PI4KA: variants seen among roughly 807,000 people sequenced by gnomAD.
PI4KA encodes PI4-kinase alpha.
A neutral mutation model predicts 271.4 loss-of-function variants in PI4KA; 122 were observed. The observed-to-expected ratio is 0.45, with a 90% confidence interval of 0.39 to 0.52. The LOEUF is 0.52. PI4KA is among the 20% of genes least tolerant of loss of function. The pLI is 0.00. For missense variants in PI4KA, 1,969 were observed against 2,769.1 expected (o/e 0.71, Z 6.48); for synonymous variants, 1,041 against 1,078.8 (o/e 0.96, Z 0.69).
At chr22:20,854,651 A>T (rs780769548) in intron 1 of PI4KA, among the ~76,000 whole-genome samples, 1 of 152,148 alleles carries the variant, frequency 6.6e-6, no homozygotes, top group Non-Finnish European at 1.5e-5. Flanking sequence ...CTGCAAACTT[A>T]GCCTTCGCCA....
chr22:20,714,782 A>C (rs552413162), intron 45 of PI4KA, 82 bp from the exon 46 acceptor site: 51 of 1,495,490 alleles, frequency 3.4e-5, no homozygotes, highest in Non-Finnish European at 4.4e-5. Context: ...CGGATGTTAC[A>C]TGCGTGTCCA....
chr22:20,804,767 A>G (rs906655574), intron 11 of PI4KA, among the ~76,000 whole-genome samples: 2 of 152,246 alleles, frequency 1.3e-5, no homozygotes, highest in African/African-American at 4.8e-5. Flanking sequence ...TCCCAGGTCC[A>G]GTGCCCTCCA....
Position 20,785,635 on chromosome 22 carries a change from C to T in PI4KA, c.2328+7558G>A, listed in dbSNP as rs371102349. ...TTTTAAAAGTACACTACCAGATATT[C>T]GACTCCTTAATTACAAAAAAAAAAC... On this transcript the variant is annotated intron_variant, in intron 19 of 54. Transcript: ENST00000255882. 9.6e-4 allele frequency among the ~76,000 whole-genome samples: 146 copies of T among 152,086 alleles called. 3 individuals carry two copies. In the South Asian group the frequency reaches 0.024, roughly 25 times the overall value.
intron 19 of PI4KA, among the ~76,000 whole-genome samples, chr22:20,767,184 T>C (rs1015778154): frequency 1.3e-5 from 2 of 152,188 alleles, no homozygotes; most frequent in African/African-American, 2.4e-5. Context: ...GGCTCTTGCC[T>C]GTAATCCCAG....
chr22:20,843,181 T>C (rs1480180820), intron 1 of PI4KA, among the ~76,000 whole-genome samples: 1 of 152,042 alleles, frequency 6.6e-6, no homozygotes, highest in African/African-American at 2.4e-5. Context: ...ATAAAAAATA[T>C]TGATAACTTT....
chr22:20,799,404 G>T, intron 15 of PI4KA, 128 bp from the exon 16 acceptor site: 1 of 928,156 alleles, frequency 1.1e-6, no homozygotes, highest in Non-Finnish European at 1.6e-6. Flanking sequence ...ATCTGAAACT[G>T]ACAGCCCAGG....
In PI4KA at chr22:20,799,144, G is replaced by A. The variant is rs368298446; in HGVS notation, c.1953C>T (p.Pro651=). Residue 651 remains proline (P), a synonymous_variant, in exon 16 of 55, where the codon CCC becomes CCT. Coordinates refer to ENST00000255882, the MANE Select transcript of PI4KA (RefSeq NM_058004.4). ...LQQKFCQPPS[P]LDVLIIDQLG... The stretch of plus-strand genomic sequence containing the variant: ...GCTGGTCAATAATCAGCACATCGAG[G>A]GGGGAGGGTGGCTGGCAGAATTTCT... The A allele has an allele frequency of 1.2e-4, 201 of 1,613,080 alleles. 3 individuals are homozygous for A. The South Asian group carries it at 1.9e-3, about 15-fold the overall frequency.
At chr22:20,735,793 G>C (rs545377527) in intron 32 of PI4KA, among the ~76,000 whole-genome samples, 4 of 152,348 alleles carry the variant, frequency 2.6e-5, no homozygotes, top group Non-Finnish European at 5.9e-5. Context: ...GGACTCCTGG[G>C]GGACGAGGCA....
chr22:20,836,060 A>AAAACAAAACAAAACG (rs1196819713), intron 2 of PI4KA, among the ~76,000 whole-genome samples: 5 of 150,172 alleles, frequency 3.3e-5, no homozygotes, highest in Non-Finnish European at 7.5e-5. Context: ...TCAAAAAAAC[A>AAAACAAAACAAAACG]AAACAAAACA....
intron 23 of PI4KA, among the ~76,000 whole-genome samples, chr22:20,753,539 T>C (rs1930947736): frequency 6.6e-6 from 1 of 152,236 alleles, no homozygotes. Flanking sequence ...CCTCAGTCTG[T>C]CAATGTCTTT....
intron 28 of PI4KA, 41 bp from the exon 29 acceptor site, chr22:20,747,743 G>C: frequency 6.3e-7 from 1 of 1,595,986 alleles, no homozygotes; most frequent in South Asian, 1.1e-5. Flanking sequence ...TTATTTATCT[G>C]ATTTTTTTAG....
rs531227812 is a variant in PI4KA, at chr22:20,775,329, T to G, written c.2329-9636A>C. Among the ~76,000 whole-genome samples, 6 of 152,360 alleles carry G rather than the reference T, an allele frequency of 3.9e-5. No individual in the cohort carries two copies. In the South Asian group the frequency reaches 1.2e-3, roughly 32 times the overall value. On this transcript the variant is annotated intron_variant, in intron 19 of 54. Coordinates refer to ENST00000255882, the MANE Select transcript of PI4KA (RefSeq NM_058004.4). Reference sequence around the variant, plus strand: ...CTTCTACAATGTTTGTTATACTAAATAGCAAAACATCAGGAAGATTTACCT... The same window carrying G: ...CTTCTACAATGTTTGTTATACTAAAGAGCAAAACATCAGGAAGATTTACCT...
Position 20,799,656 on chromosome 22 carries a change from G to A in PI4KA, c.1820+15C>T. On this transcript the variant is annotated intron_variant, in intron 15 of 54. Transcript: ENST00000255882. Reference sequence around the variant, plus strand: ...AACAATGGGCTGCCTCTGAGAGACAGGAATAGGGGCGTACTTGTCGCTCTC... The same window carrying A: ...AACAATGGGCTGCCTCTGAGAGACAAGAATAGGGGCGTACTTGTCGCTCTC... The A allele has an allele frequency of 6.5e-7, 1 of 1,539,028 alleles. No individual in the cohort carries two copies.
intron 3 of PI4KA, among the ~76,000 whole-genome samples, chr22:20,830,240 A>C (rs984384834): frequency 9.9e-5 from 15 of 152,166 alleles, no homozygotes; most frequent in Non-Finnish European, 2.2e-4. Context: ...TGGGGTGTTG[A>C]AGTGTCCCAG....
chr22:20,726,828 G>T (rs1927406312), intron 41 of PI4KA, among the ~76,000 whole-genome samples: 1 of 152,140 alleles, frequency 6.6e-6, no homozygotes, highest in South Asian at 2.1e-4. Flanking sequence ...ATATTCCAGA[G>T]ACCCTTCTCC....
Position 20,734,517 on chromosome 22 carries a change from C to T in PI4KA, c.3778G>A (p.Val1260Met), listed in dbSNP as rs1441357795. 1 of 1,614,006 alleles carries T rather than the reference C, an allele frequency of 6.2e-7. No homozygotes were observed. The highest frequency in any genetic ancestry group is 8.5e-7 in the Non-Finnish European group (1 of 1,179,876). The part of the protein sequence containing the change: ...REMAGAWHMT[V>M]EQKFGLFSAE... ...GAAAACAGGCCAAATTTCTGCTCCA[C>T]CGTCATGTGCCAGGCCCCTGCCATC... is the stretch of plus-strand genomic sequence containing the variant. The change falls in exon 33 of 55, where the codon GTG becomes ATG. Residue 1260 changes from valine to methionine, a missense_variant. Physicochemically the swap from Val to Met is conservative, Grantham distance 21. Transcript: ENST00000255882.
intron 1 of PI4KA, among the ~76,000 whole-genome samples, chr22:20,850,916 G>A (rs757063160): frequency 1.4e-4 from 21 of 151,946 alleles, no homozygotes; most frequent in Non-Finnish European, 2.2e-4. Flanking sequence ...TACAATGTGC[G>A]TGCCTGTAGT....
rs1924263894 is a variant in PI4KA, at chr22:20,832,165, G to A, written c.367+2397C>T. ...GAGTCTTGCTCTGTTGCCCAGGCTG[G>A]AGTGCAGTGGCGCGATCTCGGCTCA... On this transcript the variant is annotated intron_variant, in intron 3 of 54. Transcript: ENST00000255882. Among the ~76,000 whole-genome samples the A allele has an allele frequency of 2.7e-5, 4 of 150,108 alleles. No homozygotes were observed. In the South Asian group the frequency reaches 8.5e-4, roughly 32 times the overall value.
chr22:20,710,322 G>A, intron 52 of PI4KA: 2 of 530,002 alleles, frequency 3.8e-6, no homozygotes, highest in South Asian at 4.1e-5. Context: ...CAGTGGGGAT[G>A]AACCCAGGTT....
Sources: allele counts gnomAD v4.1 joint callset (sites outside exome capture counted in the v4.1 genomes callset), GRCh38; gene constraint gnomAD v4.1.1; transcripts MANE v1.5; gene names NCBI Gene and HGNC (gene_info 2026-07-23, HGNC 2026-07-21).